The following ADAMTS13 variants were observed in gnomAD, a reference collection of about 807,000 sequenced individuals.
ADAMTS13 encodes ADAM metallopeptidase with thrombospondin type 1 motif 13.
A neutral mutation model predicts 155.1 loss-of-function variants in ADAMTS13; 110 were observed. The observed-to-expected ratio is 0.71, with a 90% CI of 0.61 to 0.83. The LOEUF (loss-of-function observed/expected upper bound fraction) is 0.83. Ranked by LOEUF, ADAMTS13 falls within the 40% of genes least tolerant of loss-of-function variation. The probability of loss-of-function intolerance (pLI) is 0.00; values close to 1 mark genes in which losing one functional copy is unlikely to be tolerated. For synonymous variants in ADAMTS13, 758 were observed against 756.4 expected (o/e 1.00, Z -0.03); for missense variants, 1,707 against 1,891.7 (o/e 0.90, Z 1.81).
Position 133,425,882 on chromosome 9 carries a change from T to G in ADAMTS13, c.415-56T>G, listed in dbSNP as rs1196565632. On this transcript the variant is annotated intron_variant, in intron 4 of 28. Transcript: ENST00000355699. The surrounding 1 kb of genome is among the most constrained non-coding windows in gnomAD (Gnocchi z 4.6). The stretch of plus-strand genomic sequence containing the variant: ...TAACTGGGAAACAAACCGACCGCAG[T>G]CAGCACCGTGCCTGGTTGGGGTGTC... The G allele has an allele frequency of 6.2e-7, 1 of 1,609,326 alleles. No individual in the cohort carries two copies. Among genetic ancestry groups the G allele is most frequent in the East Asian group, 2.2e-5 (1 of 44,852 alleles).
intron 8 of ADAMTS13, 41 bp downstream of exon 8, chr9:133,430,142 C>G: frequency 1.3e-6 from 2 of 1,551,672 alleles, no homozygotes; most frequent in Non-Finnish European, 1.7e-6. Context: ...CTGTGAGGTC[C>G]CTCCGCATCA....
chr9:133,428,893 C>T (rs1342674521), intron 7 of ADAMTS13, 122 bp downstream of exon 7: 1 of 1,094,200 alleles, frequency 9.1e-7, no homozygotes, highest in Non-Finnish European at 1.1e-6. Context: ...CCCACCCCTC[C>T]GTCCAACCCA....
Position 133,433,366 on chromosome 9 carries a change from C to T in ADAMTS13, c.1093-12C>T, listed in dbSNP as rs1554788039. The stretch of plus-strand genomic sequence containing the variant: ...CTGTGGGATGGGAGATGAAGCCATC[C>T]TTGCCTTGCAGTGGTGCTCCAAGGG... On this transcript the variant is annotated splice_polypyrimidine_tract_variant and intron_variant, in intron 9 of 28. Transcript: ENST00000355699. The T allele has an allele frequency of 3.1e-6, 5 of 1,612,418 alleles. No homozygotes were observed. The highest frequency in any genetic ancestry group is 1.7e-5 in the Admixed American group (1 of 59,990).
chr9:133,437,960 G>C (rs1021042467), intron 13 of ADAMTS13, 63 bp downstream of exon 13: 86 of 1,608,254 alleles, frequency 5.3e-5, no homozygotes, highest in Non-Finnish European at 7.0e-5. Flanking sequence ...AAGGCTCCTG[G>C]GGGCAGGTTG....
rs375554257 is a variant in ADAMTS13, at chr9:133,459,201, C to T, written c.*21C>T. ...CCTGAGGGTCATTGAACATTTGTTC[C>T]GTGTCTGGCCAGCCCTGGAGGGTTG... On this transcript the variant is annotated 3_prime_UTR_variant, in exon 29 of 29. Transcript: ENST00000355699. The T allele has an allele frequency of 6.3e-6, 10 of 1,587,538 alleles. No individual in the cohort carries two copies. The highest frequency in any genetic ancestry group is 5.1e-6 in the Non-Finnish European group (6 of 1,166,224).
upstream of ADAMTS13, chr9:133,418,035 C>T: frequency 3.4e-6 from 2 of 594,296 alleles, no homozygotes; most frequent in South Asian, 4.2e-5. Flanking sequence ...GCTCCAGTCC[C>T]CGGAAGCGCT....
At chr9:133,423,056 C>G (rs1840061662) in intron 1 of ADAMTS13, 45 bp from the exon 2 acceptor site, 1 of 1,583,668 alleles carries the variant, frequency 6.3e-7, no homozygotes, top group Non-Finnish European at 8.7e-7. Context: ...GATTACAGGC[C>G]AGAGCCACTA....
At chr9:133,433,224 G>A (rs587720719) in intron 9 of ADAMTS13, among the ~76,000 whole-genome samples, 154 bp from the exon 10 acceptor site, 1 of 151,050 alleles carries the variant, frequency 6.6e-6, no homozygotes, top group African/African-American at 2.4e-5. Flanking sequence ...GATCCCTATG[G>A]GTGAGTTCCT....
chr9:133,457,205 A>G (rs949925562), intron 27 of ADAMTS13, among the ~76,000 whole-genome samples: 71 of 152,098 alleles, frequency 4.7e-4, no homozygotes, highest in African/African-American at 1.7e-3. Context: ...ATCCTCTGAT[A>G]GCCCTCTCGG....
intron 21 of ADAMTS13, among the ~76,000 whole-genome samples, chr9:133,447,521 C>G (rs1271150440): frequency 6.6e-6 from 1 of 152,232 alleles, no homozygotes; most frequent in Non-Finnish European, 1.5e-5. Context: ...TCTGCCTCGG[C>G]CTCTCAAAGT....
Position 133,459,070 on chromosome 9 carries a change from G to A in ADAMTS13, c.4006G>A (p.Glu1336Lys), listed in dbSNP as rs782604159. The A allele has an allele frequency of 1.1e-5, 18 of 1,612,820 alleles. No individual in the cohort carries two copies. In the East Asian group the frequency reaches 3.1e-4, roughly 28 times the overall value. ...ESSQAEMEFSEGFLKAQASLR... is the reference protein window; with the variant it reads ...ESSQAEMEFSKGFLKAQASLR... The stretch of plus-strand genomic sequence containing the variant: ...CAGCCAGGCTGAGATGGAGTTCAGC[G>A]AGGGCTTCCTGAAGGCTCAGGCCAG... Residue 1336 changes from glutamate (E) to lysine (K), a missense_variant, in exon 29 of 29, where the codon GAG (glutamate) becomes AAG (lysine). By Grantham distance (56) the Glu-to-Lys change is moderately conservative. Coordinates refer to ENST00000355699, the MANE Select transcript of ADAMTS13 (RefSeq NM_139027.6).
At chr9:133,448,256 G>A (rs913742492) in intron 21 of ADAMTS13, among the ~76,000 whole-genome samples, 1 of 152,182 alleles carries the variant, frequency 6.6e-6, no homozygotes, top group Non-Finnish European at 1.5e-5. Context: ...GTGATTACAG[G>A]CGTGAGCCAC....
At position 133,433,712 on chromosome 9, in the gene ADAMTS13, T is replaced by G. The variant is rs1430073036; in HGVS notation, c.1308+8T>G. 3 of 1,612,852 alleles carry G rather than the reference T, an allele frequency of 1.9e-6. No individual in the cohort carries two copies. The highest frequency in any genetic ancestry group is 2.5e-6 in the Non-Finnish European group (3 of 1,179,966). On this transcript the variant is annotated splice_region_variant and intron_variant, in intron 11 of 28. Transcript: ENST00000355699. Reference sequence around the variant, plus strand: ...GAGATGTGCAACACTCAGGTAGGCCTGCTTCCTGGGGTAGGAGGGGGCAGC... The same window carrying G: ...GAGATGTGCAACACTCAGGTAGGCCGGCTTCCTGGGGTAGGAGGGGGCAGC...
chr9:133,459,376 A>C lies in ADAMTS13; in HGVS notation c.*196A>C. The C allele has an allele frequency of 7.2e-6, 5 of 695,930 alleles. No homozygotes were observed. Among genetic ancestry groups the C allele is most frequent in the Non-Finnish European group, 7.7e-6 (3 of 387,890 alleles). 43.1% of individuals were successfully genotyped at this position (695,930 alleles called of 1,614,324 possible). On this transcript the variant is annotated 3_prime_UTR_variant, in exon 29 of 29. Transcript: ENST00000355699. The stretch of plus-strand genomic sequence containing the variant: ...TTCCTCGGGTACCAATAAATAAAAC[A>C]TGCAGGCTGACCGGCGTTTTTTTCT...
chr9:133,456,632 C>T lies in ADAMTS13; in HGVS notation c.3637C>T (p.Leu1213=). The change falls in exon 27 of 29, where the codon CTG becomes TTG. Residue 1213 remains leucine, a synonymous_variant. Coordinates refer to ENST00000355699, the MANE Select transcript of ADAMTS13 (RefSeq NM_139027.6). This position sits in a 1 kb window ranked among gnomAD's most constrained non-coding sequence, Gnocchi z 4.4. ...GACTTTCAGCTCCAAGACCAACACG[C>T]TGGTGGTGAGGCAGCGCTGCGGGCG... ...DMTFSSKTNT[L]VVRQRCGRPG... 1 of 1,611,708 alleles carries T rather than the reference C, an allele frequency of 6.2e-7. No individual in the cohort carries two copies. The highest frequency in any genetic ancestry group is 1.1e-5 in the South Asian group (1 of 90,470).
At chr9:133,444,581 C>T (rs1841926032) in intron 19 of ADAMTS13, among the ~76,000 whole-genome samples, 1 of 152,220 alleles carries the variant, frequency 6.6e-6, no homozygotes, top group Non-Finnish European at 1.5e-5. Flanking sequence ...TGCTGAGCTA[C>T]CGTGCCTGGC....
At position 133,451,720 on chromosome 9, in the gene ADAMTS13, G is replaced by A. The variant is rs587661720; in HGVS notation, c.3044+1755G>A. 1.2e-4 allele frequency among the ~76,000 whole-genome samples: 18 copies of A among 151,980 alleles called. No individual in the cohort carries two copies. In the South Asian group the frequency reaches 1.2e-3, roughly 11 times the overall value. Reference sequence around the variant, plus strand: ...AGCCTGGACAACATGCCAAAACCTTGTCTCTACTATAAATACAAAAATTAG... The same window carrying A: ...AGCCTGGACAACATGCCAAAACCTTATCTCTACTATAAATACAAAAATTAG... On this transcript the variant is annotated intron_variant, in intron 23 of 28. Transcript: ENST00000355699.
rs1841619774 is a variant in ADAMTS13 at position 133,440,864 on chromosome 9, G to C, written c.1968+339G>C. Among the ~76,000 whole-genome samples the C allele has an allele frequency of 6.6e-6, 1 of 152,098 alleles. No homozygotes were observed. The highest frequency in any genetic ancestry group is 2.1e-4 in the South Asian group (1 of 4,830). On this transcript the variant is annotated intron_variant, in intron 16 of 28. Coordinates refer to ENST00000355699, the MANE Select transcript of ADAMTS13 (RefSeq NM_139027.6). The surrounding 1 kb of genome is among the most constrained non-coding windows in gnomAD (Gnocchi z 4.3). ...CTGAGGTGTCAGATGAGCAGATGTT[G>C]CTGGGCCAAGCAGGGAAGGAAGCGT... is the stretch of plus-strand genomic sequence containing the variant.
rs587746070 is a variant in ADAMTS13, at chr9:133,449,564, C to T, written c.2862-219C>T. On this transcript the variant is annotated intron_variant, in intron 22 of 28. Transcript: ENST00000355699. ...TGGGATACGACATCTGTCGTTTGCC[C>T]TCACCTTTCTCTTCTGTAAAATGGG... Among the ~76,000 whole-genome samples, 141 of 152,278 alleles carry T rather than the reference C, an allele frequency of 9.3e-4. 1 individual carries two copies. Among genetic ancestry groups the T allele is most frequent in the Non-Finnish European group, 1.6e-4 (11 of 68,012 alleles).
Sources: gnomAD v4.1 joint callset for allele counts (sites outside exome capture counted in the v4.1 genomes callset) on GRCh38, gnomAD v4.1.1 for gene constraint, Gnocchi (gnomAD v3.1) non-coding constraint, MANE v1.5 for transcripts, NCBI Gene and HGNC (gene_info 2026-07-23, HGNC 2026-07-21) for gene names.